Variants in POLR3G observed in about 807,000 individuals in gnomAD.
POLR3G encodes the protein DNA-directed RNA polymerase III subunit RPC7.
POLR3G carries 28 observed loss-of-function variants against 30.1 expected under a neutral mutation model. That is an observed-to-expected ratio of 0.93 (90% CI 0.69 to 1.27). POLR3G has a LOEUF of 1.27. Ranked by LOEUF, POLR3G falls within the 50% of genes most tolerant of loss-of-function variation. POLR3G has a pLI of 0.00. For synonymous variants in POLR3G, 79 were observed against 82.5 expected (o/e 0.96, Z 0.23); for missense variants, 254 against 264.6 (o/e 0.96, Z 0.28).
chr5:90,495,122 A>G (rs1353678725), intron 3 of POLR3G, among the ~76,000 whole-genome samples: 3 of 152,208 alleles, frequency 2.0e-5, no homozygotes, highest in Admixed American at 1.3e-4. Context: ...ATCTTTCTCT[A>G]ATACGTGGTT....
At position 90,488,082 on chromosome 5, in the gene POLR3G, C is replaced by T; in HGVS notation, c.200C>T (p.Thr67Ile). 1 of 1,611,120 alleles carries T rather than the reference C, an allele frequency of 6.2e-7. No homozygotes were observed. Residue 67 changes from threonine (T) to isoleucine (I), a missense_variant, in exon 3 of 8, where the codon ACA (threonine) becomes ATA (isoleucine). Coordinates refer to ENST00000651687, the MANE Select transcript of POLR3G (RefSeq NM_006467.3). ...MLALKQELRETMKRMPYFIET... is the reference protein window; with the variant it reads ...MLALKQELREIMKRMPYFIET... The stretch of plus-strand genomic sequence containing the variant: ...GCTTTGAAACAGGAGTTGAGAGAAA[C>T]AATGAAAAGAATGCCTTATTTTATT...
chr5:90,497,027 A>C (rs1282959727), intron 4 of POLR3G, among the ~76,000 whole-genome samples: 1 of 152,214 alleles, frequency 6.6e-6, no homozygotes, highest in Non-Finnish European at 1.5e-5. Context: ...AAAGCAGGCA[A>C]TATTTTTAAA....
intron 1 of POLR3G, among the ~76,000 whole-genome samples, chr5:90,477,265 T>G (rs1750877498): frequency 6.6e-6 from 1 of 152,116 alleles, no homozygotes; most frequent in Admixed American, 6.5e-5. Flanking sequence ...ACTCCAGGCA[T>G]GCAATGGTTG....
chr5:90,480,237 C>T (rs1458709143), intron 1 of POLR3G, among the ~76,000 whole-genome samples: 1 of 152,178 alleles, frequency 6.6e-6, no homozygotes, highest in Non-Finnish European at 1.5e-5. Flanking sequence ...CAGTGGTTAA[C>T]TCAACCACAG....
At chr5:90,487,938 T>TA (rs1751529047) in intron 2 of POLR3G, 62 bp from the exon 3 acceptor site, 8 of 1,363,808 alleles carry the variant, frequency 5.9e-6, no homozygotes, top group Non-Finnish European at 7.8e-6. Context: ...ATAATACAGA[T>TA]AAAAGGGATA....
At position 90,499,525 on chromosome 5, in the gene POLR3G, C is replaced by T. The variant is rs376762125; in HGVS notation, c.355+1819C>T. Among the ~76,000 whole-genome samples the T allele has an allele frequency of 3.3e-5, 5 of 152,226 alleles. No homozygotes were observed. In the East Asian group the frequency reaches 7.7e-4, roughly 23 times the overall value. On this transcript the variant is annotated intron_variant, in intron 5 of 7. Coordinates refer to ENST00000651687, the MANE Select transcript of POLR3G (RefSeq NM_006467.3). Reference sequence around the variant, plus strand: ...TGAGGTAGAATCCAGATTGGAATGGCTTAACCGGTAAATGGAGCTTAGGAA... The same window carrying T: ...TGAGGTAGAATCCAGATTGGAATGGTTTAACCGGTAAATGGAGCTTAGGAA...
At chr5:90,484,923 C>T (rs1027792360) in intron 1 of POLR3G, among the ~76,000 whole-genome samples, 1 of 152,164 alleles carries the variant, frequency 6.6e-6, no homozygotes, top group African/African-American at 2.4e-5. Flanking sequence ...TTCAATACAA[C>T]TTGCATATGT....
chr5:90,506,016 CTTGAGACCAGCAGT>C lies in POLR3G; in HGVS notation c.439-499_439-486del, dbSNP rs1752466043. On this transcript the variant is annotated intron_variant, in intron 6 of 7. Transcript: ENST00000651687. The stretch of plus-strand genomic sequence containing the variant: ...TTGGGAGGCTAAGGTGGGCAGATCT[CTTGAGACCAGCAGT>C]TTGAGACCAGCATAGCCAACATGGA... Among the ~76,000 whole-genome samples the C allele has an allele frequency of 2.6e-5, 4 of 152,190 alleles. No individual in the cohort carries two copies. The South Asian group carries it at 8.3e-4, about 32-fold the overall frequency.
chr5:90,480,243 C>G (rs978112201), intron 1 of POLR3G, among the ~76,000 whole-genome samples: 7 of 152,154 alleles, frequency 4.6e-5, no homozygotes, highest in African/African-American at 1.7e-4. Context: ...TTAACTCAAC[C>G]ACAGTCTCAC....
rs951366504 is a variant in POLR3G, at chr5:90,501,847, G to A, written c.356-59G>A. On this transcript the variant is annotated intron_variant, in intron 5 of 7. Coordinates refer to ENST00000651687, the MANE Select transcript of POLR3G (RefSeq NM_006467.3). ...GCTGGACAGCATACGCAAAGACAAG[G>A]AAATATAATACAGAGTTGCAGTTGC... 29 of 1,591,134 alleles carry A rather than the reference G, an allele frequency of 1.8e-5. No homozygotes were observed. The Admixed American group carries it at 4.8e-4, about 26-fold the overall frequency.
chr5:90,484,834 T>C (rs1185391107), intron 1 of POLR3G, among the ~76,000 whole-genome samples: 1 of 152,206 alleles, frequency 6.6e-6, no homozygotes, highest in African/African-American at 2.4e-5. Context: ...CAGACTTCTA[T>C]TGAAAGAACT....
intron 7 of POLR3G, among the ~76,000 whole-genome samples, chr5:90,508,707 T>C (rs1752604341): frequency 1.3e-5 from 2 of 152,074 alleles, no homozygotes. Flanking sequence ...ATAGACAAAT[T>C]TTAGCCTTTA....
chr5:90,485,981 A>G (rs1478980014), intron 2 of POLR3G, among the ~76,000 whole-genome samples: 1 of 152,236 alleles, frequency 6.6e-6, no homozygotes, highest in Non-Finnish European at 1.5e-5. Flanking sequence ...TGAAAATAAT[A>G]GTTTTAAAAG....
chr5:90,502,645 T>C (rs1752302623), intron 6 of POLR3G, among the ~76,000 whole-genome samples: 1 of 152,136 alleles, frequency 6.6e-6, no homozygotes, highest in Non-Finnish European at 1.5e-5. Context: ...TAGTTTCTTA[T>C]GTCTTTTTTC....
chr5:90,474,116 G>A (rs747329199), upstream of POLR3G: 40 of 1,581,150 alleles, frequency 2.5e-5, no homozygotes, highest in African/African-American at 8.1e-5. Context: ...AGAGGCCGGA[G>A]GAGTACAGGT....
At chr5:90,511,011 T>C (rs1396739282) in intron 7 of POLR3G, among the ~76,000 whole-genome samples, 2 of 152,086 alleles carry the variant, frequency 1.3e-5, no homozygotes, top group Admixed American at 1.3e-4. Flanking sequence ...TGTGCAAAAA[T>C]GTAGTGACTA....
intron 6 of POLR3G, 101 bp downstream of exon 6, chr5:90,502,089 T>G (rs1752273140): frequency 1.3e-6 from 2 of 1,496,096 alleles, no homozygotes; most frequent in Non-Finnish European, 1.8e-6. Context: ...TACTTTTTAA[T>G]AATGTAAATT....
intron 1 of POLR3G, among the ~76,000 whole-genome samples, chr5:90,481,220 A>T (rs998170045): frequency 1.3e-5 from 2 of 152,146 alleles, no homozygotes; most frequent in African/African-American, 4.8e-5. Context: ...AATGAAATAG[A>T]CCAACACCTG....
chr5:90,501,470 CT>C (rs1752242766), intron 5 of POLR3G, among the ~76,000 whole-genome samples: 1 of 152,070 alleles, frequency 6.6e-6, no homozygotes. Context: ...CCTGCACTTC[CT>C]TTTTATTTTA....
Sources: allele counts gnomAD v4.1 joint callset (sites outside exome capture counted in the v4.1 genomes callset), GRCh38; gene constraint gnomAD v4.1.1; transcripts MANE v1.5; gene names NCBI Gene and HGNC (gene_info 2026-07-23, HGNC 2026-07-21).